Variants in PTCH1 observed in about 807,000 individuals in gnomAD.
PTCH1 encodes the protein patched 1.
Under a neutral mutation model 144.6 loss-of-function variants are expected in PTCH1, and 14 were observed. The observed-to-expected ratio is 0.10, with a 90% CI of 0.06 to 0.15. PTCH1 has a LOEUF of 0.15. Among genes scored for constraint, PTCH1 ranks in the 10% least tolerant of loss-of-function variants. The pLI, the probability that PTCH1 is intolerant of heterozygous loss-of-function variation, is 1.00. For synonymous variants in PTCH1, 833 were observed against 793.6 expected, an observed-to-expected ratio of 1.05 and a Z score of -0.83; for missense variants, 1,623 against 1,948.3, an observed-to-expected ratio of 0.83 and a Z score of 3.14.
chr9:95,462,773 G>C (rs938349438), intron 15 of PTCH1, among the ~76,000 whole-genome samples: 1 of 152,202 alleles, frequency 6.6e-6, no homozygotes, highest in Non-Finnish European at 1.5e-5. Flanking sequence ...AAGCCGGGGA[G>C]GGGGAGGAAA....
rs1837648413 is a variant in PTCH1, at chr9:95,443,650, A to C, written c.*2743T>G. ...GTAATTTACAATGAAAACTGTGCCC[A>C]CTCATGTCTCAGCAAAGTTCCAGAC... On this transcript the variant is annotated 3_prime_UTR_variant, in exon 24 of 24. Coordinates refer to ENST00000331920, the MANE Select transcript of PTCH1 (RefSeq NM_000264.5). 6.6e-6 allele frequency: 1 copy of C among 152,548 alleles called. No individual in the cohort carries two copies. Among genetic ancestry groups the C allele is most frequent in the Non-Finnish European group, 1.5e-5 (1 of 68,036 alleles). 9.4% of individuals were successfully genotyped at this position (152,548 alleles called of 1,614,324 possible).
rs1843954477 is a variant in PTCH1, at chr9:95,508,676, G to T, written c.-315C>A. ...ACATCCAGTTCGCGGAAGAGCGAGA[G>T]CCGGCGCGCCGAGCGAGCCTGTCCT... On this transcript the variant is annotated 5_prime_UTR_variant, in exon 1 of 24. Transcript: ENST00000331920. The T allele has an allele frequency of 1.0e-6, 1 of 987,026 alleles. No individual in the cohort carries two copies. The highest frequency in any genetic ancestry group is 1.2e-6 in the Non-Finnish European group (1 of 831,280). The allele number at this position is 987,026 out of a possible 1,614,324, so 61.1% of individuals were successfully genotyped here. A position where few individuals can be genotyped will look rare whatever the true frequency, so the allele number is the denominator to read the frequency against.
At chr9:95,454,796 A>G (rs898936966) in intron 19 of PTCH1, among the ~76,000 whole-genome samples, 12 of 152,248 alleles carry the variant, frequency 7.9e-5, no homozygotes, top group East Asian at 1.9e-4. Context: ...TGAAAGAGCA[A>G]TAACTGCCAA....
chr9:95,460,524 C>A (rs1330745518), intron 16 of PTCH1, among the ~76,000 whole-genome samples: 2 of 152,158 alleles, frequency 1.3e-5, no homozygotes, highest in Non-Finnish European at 2.9e-5. Flanking sequence ...AGGCCTCATT[C>A]CTCGCTTTGG....
chr9:95,499,288 CAAAAT>C (rs752279251), intron 2 of PTCH1, among the ~76,000 whole-genome samples: 2 of 150,518 alleles, frequency 1.3e-5, no homozygotes, highest in Non-Finnish European at 3.0e-5. Flanking sequence ...CAACCCTAAC[CAAAAT>C]AAGAATGCCA....
chr9:95,497,349 C>T (rs374942693), intron 2 of PTCH1, among the ~76,000 whole-genome samples: 36 of 152,310 alleles, frequency 2.4e-4, no homozygotes, highest in Admixed American at 6.5e-4. Context: ...TTCTCAGCTC[C>T]GAACAATCAT....
At chr9:95,452,250 G>GT (rs1838519298) in intron 20 of PTCH1, 1 of 151,940 alleles carries the variant, frequency 6.6e-6, no homozygotes, top group Non-Finnish European at 1.5e-5. Flanking sequence ...TCTCTTTCCC[G>GT]TAATAAAACT....
rs1036405039 is a variant in PTCH1, at chr9:95,443,539, T to C, written c.*2854A>G. 1 of 152,622 alleles carries C rather than the reference T, an allele frequency of 6.6e-6. No individual in the cohort carries two copies. The highest frequency in any genetic ancestry group is 2.4e-5 in the African/African-American group (1 of 41,462). The allele number at this position is 152,622 out of a possible 1,614,324, so 9.5% of individuals were successfully genotyped here. On this transcript the variant is annotated 3_prime_UTR_variant, in exon 24 of 24. Coordinates refer to ENST00000331920, the MANE Select transcript of PTCH1 (RefSeq NM_000264.5). ...AATGAGAAGCATGCTAGGTCGCCAA[T>C]GGTAACTAATAAACACTTCATAATC...
chr9:95,471,227 G>A (rs28429270), intron 12 of PTCH1, among the ~76,000 whole-genome samples: 5,247 of 152,304 alleles, frequency 0.034, 291 homozygotes, highest in African/African-American at 0.12. Flanking sequence ...ACAATCCAGG[G>A]AGAACTTCCA....
intron 1 of PTCH1, chr9:95,514,647 T>TGTGAGAGAGA (rs56689083): frequency 6.7e-6 from 1 of 148,802 alleles, no homozygotes; most frequent in Non-Finnish European, 1.5e-5. Flanking sequence ...TGTGTGTGTG[T>TGTGAGAGAGA]GAGAGAGAGA....
rs1307157791 is a variant in PTCH1 at position 95,443,667 on chromosome 9, G to C, written c.*2726C>G. The C allele has an allele frequency of 6.6e-6, 1 of 152,554 alleles. No individual in the cohort carries two copies. The highest frequency in any genetic ancestry group is 2.1e-4 in the South Asian group (1 of 4,830). 9.5% of individuals were successfully genotyped at this position (152,554 alleles called of 1,614,324 possible). A position where few individuals can be genotyped will look rare whatever the true frequency, so the allele number is the denominator to read the frequency against. ...CTGTGCCCACTCATGTCTCAGCAAA[G>C]TTCCAGACATTATGGATTCATCACA... is the stretch of plus-strand genomic sequence containing the variant. On this transcript the variant is annotated 3_prime_UTR_variant, in exon 24 of 24. Transcript: ENST00000331920.
At chr9:95,496,809 A>G (rs1006735876) in intron 2 of PTCH1, among the ~76,000 whole-genome samples, 1 of 152,182 alleles carries the variant, frequency 6.6e-6, no homozygotes, top group Non-Finnish European at 1.5e-5. Context: ...CAGCTAGGAA[A>G]AATTCTTTTG....
At chr9:95,481,175 T>C (rs929021884) in intron 5 of PTCH1, among the ~76,000 whole-genome samples, 7 of 152,228 alleles carry the variant, frequency 4.6e-5, no homozygotes, top group African/African-American at 1.7e-4. Flanking sequence ...CTGCCTGTTA[T>C]GTGGTTCAAA....
At chr9:95,456,624 A>G (rs566162013) in intron 18 of PTCH1, among the ~76,000 whole-genome samples, 1 of 152,342 alleles carries the variant, frequency 6.6e-6, no homozygotes, top group South Asian at 2.1e-4. Context: ...AAAGCTGTAG[A>G]AGGCAAAGTA....
Position 95,449,033 on chromosome 9 carries a change from G to A in PTCH1, c.3804+36C>T, listed in dbSNP as rs1264909492. On this transcript the variant is annotated intron_variant, in intron 22 of 23. Transcript: ENST00000331920. The surrounding 1 kb of genome is among the most constrained non-coding windows in gnomAD (Gnocchi z 5.3). ...ACCTCCAGGCCCACTACCACGGTGG[G>A]AAGACCCCTCCCCCTGGTTCTGCAG... The A allele has an allele frequency of 2.5e-6, 4 of 1,612,296 alleles. No individual in the cohort carries two copies. Among genetic ancestry groups the A allele is most frequent in the Admixed American group, 1.7e-5 (1 of 59,986 alleles).
Position 95,485,077 on chromosome 9 carries a change from G to A in PTCH1, c.584+608C>T, listed in dbSNP as rs1588620842. On this transcript the variant is annotated intron_variant, in intron 3 of 23. Coordinates refer to ENST00000331920, the MANE Select transcript of PTCH1 (RefSeq NM_000264.5). The stretch of plus-strand genomic sequence containing the variant: ...AAAAATTAGCCAGGTGTGGTGGTGG[G>A]CGCCTCTAGCCCCAGCTCCTTGGGA... Among the ~76,000 whole-genome samples, 3 of 152,046 alleles carry A rather than the reference G, an allele frequency of 2.0e-5. No individual in the cohort carries two copies. In the South Asian group the frequency reaches 6.2e-4, roughly 32 times the overall value.
intron 2 of PTCH1, among the ~76,000 whole-genome samples, chr9:95,489,950 G>A (rs1049443497): frequency 6.6e-6 from 1 of 151,318 alleles, no homozygotes; most frequent in Non-Finnish European, 1.5e-5. Flanking sequence ...ACAGGCGCCC[G>A]CCACCAGGCC....
In PTCH1 at chr9:95,476,910, T is replaced by C; in HGVS notation, c.1504-53A>G. The C allele has an allele frequency of 3.3e-6, 5 of 1,536,450 alleles. No individual in the cohort carries two copies. The South Asian group carries it at 5.7e-5, about 18-fold the overall frequency. On this transcript the variant is annotated intron_variant, in intron 10 of 23. Transcript: ENST00000331920. This position sits in a 1 kb window ranked among gnomAD's most constrained non-coding sequence, Gnocchi z 4.6. ...TTAGACATGCGAGATGCAATTCAGATGATTCTAAAGCTAGTTAGGACTCTG... is the reference window on the plus strand; with the variant it reads ...TTAGACATGCGAGATGCAATTCAGACGATTCTAAAGCTAGTTAGGACTCTG...
At chr9:95,456,513 C>G in intron 18 of PTCH1, 100 bp from the exon 19 acceptor site, 1 of 1,451,092 alleles carries the variant, frequency 6.9e-7, no homozygotes, top group Non-Finnish European at 9.4e-7. Flanking sequence ...CGGTTCAGAT[C>G]AAAACAATGA....
Sources: allele counts gnomAD v4.1 joint callset (sites outside exome capture counted in the v4.1 genomes callset), GRCh38; gene constraint gnomAD v4.1.1; non-coding constraint Gnocchi (gnomAD v3.1); transcripts MANE v1.5; gene names NCBI Gene and HGNC (gene_info 2026-07-23, HGNC 2026-07-21).